The following MGST2 variants were observed in gnomAD, a reference collection of about 807,000 sequenced individuals.
The protein encoded by MGST2 is microsomal glutathione S-transferase 2.
Under a neutral mutation model 16.6 loss-of-function variants are expected in MGST2, and 9 were observed. The ratio of observed to expected loss-of-function variants is 0.54; its 90% CI spans 0.33 to 0.95. The LOEUF (loss-of-function observed/expected upper bound fraction) is 0.95, where lower values mean the gene tolerates loss of function less well. MGST2 is among the 40% of genes least tolerant of loss of function. The pLI is 0.03. For missense variants in MGST2, 159 were observed against 175.1 expected (o/e 0.91, Z 0.52); for synonymous variants, 79 against 68.0 (o/e 1.16, Z -0.79).
intron 5 of MGST2, chr4:139,719,866 T>G: frequency 6.2e-7 from 1 of 1,613,908 alleles, no homozygotes; most frequent in African/African-American, 1.3e-5. Flanking sequence ...TTTGTGCTCC[T>G]TGCTGGACTG....
At chr4:139,753,871 G>A in the MGST2 span, among the ~76,000 whole-genome samples, 10 of 152,130 alleles carry the variant, frequency 6.6e-5, no homozygotes, top group Non-Finnish European at 1.5e-4. Context: ...TACATCAGAA[G>A]GGAGACAAAT....
downstream of MGST2, among the ~76,000 whole-genome samples, chr4:139,742,241 C>T (rs1025272050): frequency 1.3e-5 from 2 of 151,792 alleles, no homozygotes; most frequent in Non-Finnish European, 1.5e-5. Flanking sequence ...CTCCGCCTCC[C>T]GGGCTCAAGC....
chr4:139,691,197 A>G (rs998757620), intron 2 of MGST2, among the ~76,000 whole-genome samples: 2 of 152,232 alleles, frequency 1.3e-5, no homozygotes, highest in African/African-American at 2.4e-5. Context: ...GACAGTGGTC[A>G]TAATCAACTC....
At chr4:139,683,079 G>A (rs1490887290) in intron 2 of MGST2, among the ~76,000 whole-genome samples, 1 of 152,202 alleles carries the variant, frequency 6.6e-6, no homozygotes, top group African/African-American at 2.4e-5. Flanking sequence ...GGGCAGGCAA[G>A]CGGGGGCAGT....
Position 139,729,557 on chromosome 4 carries a change from A to G in MGST2, c.*49-10655A>G, listed in dbSNP as rs529215669. Among the ~76,000 whole-genome samples the G allele has an allele frequency of 5.3e-5, 8 of 152,198 alleles. No homozygotes were observed. In the South Asian group the frequency reaches 1.0e-3, roughly 20 times the overall value. On this transcript the variant is annotated intron_variant, in intron 5 of 5. Coordinates refer to the MGST2 transcript ENST00000616265. ...GTTGGGCCTTCAGCTTTATATGACA[A>G]CCTCACACCTCCTATAAGAAAGAGC...
downstream of MGST2, among the ~76,000 whole-genome samples, chr4:139,741,097 A>G (rs1729151398): frequency 6.6e-6 from 1 of 152,142 alleles, no homozygotes; most frequent in African/African-American, 2.4e-5. Flanking sequence ...CATTCCTATG[A>G]GTAGAAGCCT....
At position 139,733,599 on chromosome 4, in the gene MGST2, G is replaced by A. The variant is rs74510653; in HGVS notation, c.*49-6613G>A. Among the ~76,000 whole-genome samples the A allele has an allele frequency of 9.1e-4, 136 of 149,802 alleles. 1 individual carries two copies. In the East Asian group the frequency reaches 0.024, roughly 27 times the overall value. Reference sequence around the variant, plus strand: ...AACCCTCCCAAAGGGATAGGATTATGTATTTCCCCAAATAATTCCCTCCCA... The same window carrying A: ...AACCCTCCCAAAGGGATAGGATTATATATTTCCCCAAATAATTCCCTCCCA... On this transcript the variant is annotated intron_variant, in intron 5 of 5. Transcript: ENST00000616265.
chr4:139,682,988 A>G (rs576098765), intron 2 of MGST2, among the ~76,000 whole-genome samples: 2 of 152,190 alleles, frequency 1.3e-5, no homozygotes, highest in African/African-American at 4.8e-5. Flanking sequence ...CTCCCTCTGC[A>G]CAAGGTTCGA....
intron 2 of MGST2, among the ~76,000 whole-genome samples, chr4:139,693,029 A>G (rs1269909654): frequency 6.6e-6 from 1 of 152,256 alleles, no homozygotes; most frequent in African/African-American, 2.4e-5. Context: ...GTTGTGGAAA[A>G]ACTTGATGCT....
intron 1 of MGST2, among the ~76,000 whole-genome samples, chr4:139,668,738 G>A (rs961231533): frequency 6.6e-5 from 10 of 152,114 alleles, no homozygotes; most frequent in African/African-American, 2.4e-4. Flanking sequence ...TTGCTTACAG[G>A]CTGGGGTATG....
chr4:139,716,314 C>CTGTT (rs1727956633), intron 5 of MGST2, among the ~76,000 whole-genome samples: 1 of 152,182 alleles, frequency 6.6e-6, no homozygotes, highest in Non-Finnish European at 1.5e-5. Flanking sequence ...GTGGTGGAGG[C>CTGTT]TGTTTACTGA....
At chr4:139,709,891 A>G (rs1159892505) in intron 5 of MGST2, among the ~76,000 whole-genome samples, 1 of 152,244 alleles carries the variant, frequency 6.6e-6, no homozygotes, top group African/African-American at 2.4e-5. Flanking sequence ...CTGTTGCATG[A>G]AATGAGGCAG....
At chr4:139,686,560 A>G (rs1418072324) in intron 2 of MGST2, among the ~76,000 whole-genome samples, 2 of 152,188 alleles carry the variant, frequency 1.3e-5, no homozygotes, top group African/African-American at 4.8e-5. Flanking sequence ...TTCAACAGAG[A>G]AAGAATCTCA....
intron 5 of MGST2, among the ~76,000 whole-genome samples, chr4:139,714,989 G>A (rs1048618183): frequency 6.6e-6 from 1 of 152,218 alleles, no homozygotes; most frequent in Non-Finnish European, 1.5e-5. Flanking sequence ...GAGAATAGCA[G>A]TTAACATCCC....
intron 3 of MGST2, among the ~76,000 whole-genome samples, chr4:139,702,104 T>C (rs1035883820): frequency 2.0e-5 from 3 of 151,912 alleles, no homozygotes; most frequent in Non-Finnish European, 4.4e-5. Context: ...AGGAAGAGAG[T>C]GGGGCCCTAA....
At chr4:139,691,381 T>C (rs1364209690) in intron 2 of MGST2, among the ~76,000 whole-genome samples, 1 of 152,240 alleles carries the variant, frequency 6.6e-6, no homozygotes, top group African/African-American at 2.4e-5. Context: ...AATTAGCCAC[T>C]GACAGGATTG....
chr4:139,721,209 C>T (rs1339289843), intron 5 of MGST2, among the ~76,000 whole-genome samples: 1 of 152,158 alleles, frequency 6.6e-6, no homozygotes, highest in Non-Finnish European at 1.5e-5. Flanking sequence ...CCAGAGTGTC[C>T]ATACCAAGTC....
downstream of MGST2, among the ~76,000 whole-genome samples, chr4:139,707,436 T>A (rs1483708783): frequency 8.5e-5 from 13 of 152,242 alleles, no homozygotes; most frequent in South Asian, 6.2e-4. Flanking sequence ...CACATTTTCT[T>A]AATCCAGTCT....
At chr4:139,695,338 ATGGCCAGGCACGG>A (rs1206003451) in intron 3 of MGST2, 71 bp downstream of exon 3, 33 of 1,292,716 alleles carry the variant, frequency 2.6e-5, no homozygotes, top group Non-Finnish European at 3.7e-5. Context: ...GAGTAGATAT[ATGGCCAGGCACGG>A]TGGCTCACAC....
Sources: allele counts gnomAD v4.1 joint callset (sites outside exome capture counted in the v4.1 genomes callset), GRCh38; gene constraint gnomAD v4.1.1; transcripts MANE v1.5; gene names NCBI Gene and HGNC (gene_info 2026-07-23, HGNC 2026-07-21).